The following TNKS variants were observed in gnomAD, a reference collection of about 807,000 sequenced individuals.
The protein encoded by TNKS is poly [ADP-ribose] polymerase tankyrase-1.
A neutral mutation model predicts 135.8 loss-of-function variants in TNKS; 72 were observed. The observed-to-expected ratio is 0.53, with a 90% CI of 0.44 to 0.64. TNKS has a LOEUF of 0.64. Ranked by LOEUF, TNKS falls within the 30% of genes least tolerant of loss-of-function variation. The pLI is 0.00. For missense variants in TNKS, 1,769 were observed against 1,674.0 expected (o/e 1.06, Z -0.99); for synonymous variants, 849 against 649.3 (o/e 1.31, Z -4.68).
chr8:9,580,105 G>T (rs1798111594), intron 1 of TNKS, 54 bp from the exon 2 acceptor site: 2 of 1,466,630 alleles, frequency 1.4e-6, no homozygotes, highest in African/African-American at 2.8e-5. Flanking sequence ...TATTCTAATG[G>T]TTCTTTTTAC....
At chr8:9,732,211 T>C (rs1001975050) in intron 14 of TNKS, among the ~76,000 whole-genome samples, 3 of 152,246 alleles carry the variant, frequency 2.0e-5, no homozygotes, top group African/African-American at 4.8e-5. Context: ...CCTAGAAGCA[T>C]AGTTTTATTT....
In TNKS at chr8:9,776,869, C is replaced by T; in HGVS notation, c.*133C>T. Reference sequence around the variant, plus strand: ...AATAAGCTGTTTGTCTTCTATAAAGCATTGCTATAGTGATGAATAGTATGA... The same window carrying T: ...AATAAGCTGTTTGTCTTCTATAAAGTATTGCTATAGTGATGAATAGTATGA... On this transcript the variant is annotated 3_prime_UTR_variant, in exon 27 of 27. Coordinates refer to ENST00000310430, the MANE Select transcript of TNKS (RefSeq NM_003747.3). 1 of 799,278 alleles carries T rather than the reference C, an allele frequency of 1.3e-6. No homozygotes were observed. Among genetic ancestry groups the T allele is most frequent in the East Asian group, 2.7e-5 (1 of 37,656 alleles). 49.5% of individuals were successfully genotyped at this position (799,278 alleles called of 1,614,324 possible).
chr8:9,661,687 G>T (rs1801721601), intron 3 of TNKS, among the ~76,000 whole-genome samples: 1 of 152,204 alleles, frequency 6.6e-6, no homozygotes, highest in African/African-American at 2.4e-5. Flanking sequence ...AGGACTTCAT[G>T]TCTAAAACAC....
At chr8:9,657,476 T>C (rs1585287548) in intron 3 of TNKS, among the ~76,000 whole-genome samples, 3 of 68,846 alleles carry the variant, frequency 4.4e-5, no homozygotes, top group African/African-American at 1.1e-4. Flanking sequence ...GGCGGGGGGC[T>C]GACCCCCCCA....
intron 1 of TNKS, among the ~76,000 whole-genome samples, chr8:9,579,084 G>A (rs375612943): frequency 1.3e-5 from 2 of 152,088 alleles, no homozygotes; most frequent in African/African-American, 4.8e-5. Context: ...CTAAGTGTTT[G>A]CCTCATCCTT....
chr8:9,716,727 T>C (rs979588068), intron 11 of TNKS, among the ~76,000 whole-genome samples: 2 of 151,954 alleles, frequency 1.3e-5, no homozygotes, highest in African/African-American at 2.4e-5. Flanking sequence ...TCTTTCTCTT[T>C]CTCTGAGGTT....
At chr8:9,757,263 C>G (rs1042413308) in intron 20 of TNKS, among the ~76,000 whole-genome samples, 2 of 152,190 alleles carry the variant, frequency 1.3e-5, no homozygotes, top group African/African-American at 4.8e-5. Context: ...GCATGAGCCA[C>G]CACACCTGGC....
At chr8:9,590,533 A>G (rs576599110) in intron 2 of TNKS, among the ~76,000 whole-genome samples, 3 of 152,338 alleles carry the variant, frequency 2.0e-5, no homozygotes, top group African/African-American at 7.2e-5. Flanking sequence ...GTGCCTTAAT[A>G]TAAACACAGG....
intron 5 of TNKS, among the ~76,000 whole-genome samples, chr8:9,700,498 G>GT (rs1803743413): frequency 6.6e-6 from 1 of 152,128 alleles, no homozygotes; most frequent in African/African-American, 2.4e-5. Flanking sequence ...TGCCATACGT[G>GT]TAAGTCTCTC....
In TNKS at chr8:9,651,988, G is replaced by A. The variant is rs549610190; in HGVS notation, c.995-27963G>A. 4.6e-5 allele frequency among the ~76,000 whole-genome samples: 7 copies of A among 152,138 alleles called. 1 individual carries two copies. The highest frequency in any genetic ancestry group is 2.0e-4 in the Admixed American group (3 of 15,288). On this transcript the variant is annotated intron_variant, in intron 3 of 26. Coordinates refer to ENST00000310430, the MANE Select transcript of TNKS (RefSeq NM_003747.3). Reference sequence around the variant, plus strand: ...TAAAAATATGCCACAATCAATATGCGTTTCATGCAGTCATTGTATGCATAA... The same window carrying A: ...TAAAAATATGCCACAATCAATATGCATTTCATGCAGTCATTGTATGCATAA...
intron 26 of TNKS, among the ~76,000 whole-genome samples, chr8:9,775,723 C>G (rs1196207645): frequency 6.6e-6 from 1 of 151,660 alleles, no homozygotes; most frequent in Non-Finnish European, 1.5e-5. Context: ...CTTTTATTAT[C>G]TTATCCTGTA....
intron 1 of TNKS, 185 bp downstream of exon 1, chr8:9,556,797 G>C: frequency 7.2e-6 from 3 of 417,580 alleles, no homozygotes; most frequent in Non-Finnish European, 4.4e-6. Context: ...GTGGTTGGGG[G>C]GGATAAGTGA....
chr8:9,756,323 T>A (rs1806832516), intron 20 of TNKS, among the ~76,000 whole-genome samples: 1 of 152,046 alleles, frequency 6.6e-6, no homozygotes, highest in Non-Finnish European at 1.5e-5. Flanking sequence ...TTAAAACTAG[T>A]TTTCTCTCCC....
At chr8:9,723,451 T>C (rs1805006268) in intron 12 of TNKS, among the ~76,000 whole-genome samples, 1 of 152,204 alleles carries the variant, frequency 6.6e-6, no homozygotes, top group Non-Finnish European at 1.5e-5. Flanking sequence ...AAACCTGCAC[T>C]TTCAACTCTC....
In TNKS at chr8:9,776,177, G is replaced by T. The variant is rs747748386; in HGVS notation, c.3898-473G>T. 2.2e-4 allele frequency among the ~76,000 whole-genome samples: 34 copies of T among 152,182 alleles called. 1 individual carries two copies. Among genetic ancestry groups the T allele is most frequent in the Non-Finnish European group, 8.8e-5 (6 of 68,046 alleles). On this transcript the variant is annotated intron_variant, in intron 26 of 26. Coordinates refer to ENST00000310430, the MANE Select transcript of TNKS (RefSeq NM_003747.3). ...ATTGTTCCCAAACTGTTGTTTCTGG[G>T]TTATTGGTGACTCAGTACATCTCAC... is the stretch of plus-strand genomic sequence containing the variant.
chr8:9,624,219 A>C (rs912181346), intron 3 of TNKS, among the ~76,000 whole-genome samples: 3 of 152,174 alleles, frequency 2.0e-5, no homozygotes, highest in Admixed American at 2.0e-4. Context: ...TCCCTAGTAA[A>C]TTATAGCAAC....
chr8:9,648,707 G>A (rs564882744), intron 3 of TNKS, among the ~76,000 whole-genome samples: 1 of 152,104 alleles, frequency 6.6e-6, no homozygotes, highest in Non-Finnish European at 1.5e-5. Flanking sequence ...TTTCAGCTTT[G>A]TGTTATTAAT....
At chr8:9,712,716 C>T (rs945284610) in intron 11 of TNKS, among the ~76,000 whole-genome samples, 2 of 151,606 alleles carry the variant, frequency 1.3e-5, no homozygotes, top group Admixed American at 6.6e-5. Flanking sequence ...CAGGCCAACC[C>T]CGTCTCTACA....
chr8:9,580,501 C>A, intron 2 of TNKS, 118 bp downstream of exon 2: 1 of 864,888 alleles, frequency 1.2e-6, no homozygotes, highest in Non-Finnish European at 1.7e-6. Context: ...CTTGTAGAAG[C>A]AGTTCTTTTC....
Sources: allele counts gnomAD v4.1 joint callset (sites outside exome capture counted in the v4.1 genomes callset), GRCh38; gene constraint gnomAD v4.1.1; transcripts MANE v1.5; gene names NCBI Gene and HGNC (gene_info 2026-07-23, HGNC 2026-07-21).